Variants in TNNI1 observed in about 807,000 individuals in gnomAD.
TNNI1 encodes the protein troponin I, slow skeletal muscle.
Under a neutral mutation model 26.7 loss-of-function variants are expected in TNNI1, and 14 were observed. That is an observed-to-expected ratio of 0.52 (90% CI 0.35 to 0.82). The LOEUF (loss-of-function observed/expected upper bound fraction) is 0.82. Ranked by LOEUF, TNNI1 falls within the 40% of genes least tolerant of loss-of-function variation. The pLI, the probability that TNNI1 is intolerant of heterozygous loss-of-function variation, is 0.01. For synonymous variants in TNNI1, 79 were observed against 98.2 expected (o/e 0.80, Z 1.16); for missense variants, 164 against 257.0 (o/e 0.64, Z 2.47).
In TNNI1 at chr1:201,413,123, TG is replaced by T; in HGVS notation, c.190-3del. The T allele has an allele frequency of 6.2e-7, 1 of 1,613,906 alleles. No homozygotes were observed. The highest frequency in any genetic ancestry group is 8.5e-7 in the Non-Finnish European group (1 of 1,179,906). The stretch of plus-strand genomic sequence containing the variant: ...GGCGTGCAGCTCCCGGCACAGGTCC[TG>T]GGGGCCGCAGATGGATCATGCAGGT... On this transcript the variant is annotated splice_region_variant and splice_polypyrimidine_tract_variant and intron_variant, in intron 5 of 8. Coordinates refer to ENST00000361379, the MANE Select transcript of TNNI1 (RefSeq NM_003281.4).
chr1:201,412,005 C>T (rs1454740559), intron 6 of TNNI1, among the ~76,000 whole-genome samples: 3 of 152,224 alleles, frequency 2.0e-5, no homozygotes, highest in African/African-American at 7.2e-5. Context: ...GAGATCCCTG[C>T]TCTAGGACAG....
chr1:201,420,847 C>T (rs1210101087), intron 1 of TNNI1, among the ~76,000 whole-genome samples: 3 of 152,160 alleles, frequency 2.0e-5, no homozygotes, highest in Non-Finnish European at 4.4e-5. Context: ...GACTCCCAAA[C>T]CTGGTGGCAG....
intron 1 of TNNI1, among the ~76,000 whole-genome samples, chr1:201,419,070 C>T (rs1241841954): frequency 6.6e-6 from 1 of 152,132 alleles, no homozygotes; most frequent in Non-Finnish European, 1.5e-5. Context: ...ACCTCCATGA[C>T]ACATGTTTAC....
At chr1:201,417,679 A>C in intron 2 of TNNI1, 104 bp downstream of exon 2, 57 of 993,178 alleles carry the variant, frequency 5.7e-5, no homozygotes, top group Non-Finnish European at 7.4e-5. Context: ...TCTCTTAGGG[A>C]AAAGCTTTGG....
Position 201,411,261 on chromosome 1 carries a change from C to CAGGA in TNNI1, c.456+92_456+95dup, listed in dbSNP as rs1281234781. 1 of 1,355,902 alleles carries CAGGA rather than the reference C, an allele frequency of 7.4e-7. No individual in the cohort carries two copies. The highest frequency in any genetic ancestry group is 1.0e-6 in the Non-Finnish European group (1 of 973,554). 84.0% of individuals were successfully genotyped at this position (1,355,902 alleles called of 1,614,324 possible). The stretch of plus-strand genomic sequence containing the variant: ...GTCTGTCAAGCTGACTGGTCTCCAA[C>CAGGA]AGGAGCTCCTGGGCCAGCCTGAGGC... On this transcript the variant is annotated intron_variant, in intron 7 of 8. Coordinates refer to ENST00000361379, the MANE Select transcript of TNNI1 (RefSeq NM_003281.4). The surrounding 1 kb of genome is among the most constrained non-coding windows in gnomAD (Gnocchi z 4.6).
At chr1:201,412,221 C>T (rs1317705920) in intron 6 of TNNI1, among the ~76,000 whole-genome samples, 1 of 152,200 alleles carries the variant, frequency 6.6e-6, no homozygotes, top group African/African-American at 2.4e-5. Context: ...CTCATCCCTG[C>T]TTCTAACTTA....
At position 201,406,074 on chromosome 1, in the gene TNNI1, C is replaced by T. The variant is rs141875068; in HGVS notation, c.*3179G>A. On this transcript the variant is annotated 3_prime_UTR_variant, in exon 9 of 9. Coordinates refer to ENST00000361379, the MANE Select transcript of TNNI1 (RefSeq NM_003281.4). Reference sequence around the variant, plus strand: ...GACTCCCCAGGTGCATATGCAGGACCCTCGACCCCCAGCTGTGTCCTTCCA... The same window carrying T: ...GACTCCCCAGGTGCATATGCAGGACTCTCGACCCCCAGCTGTGTCCTTCCA... 6.6e-6 allele frequency: 1 copy of T among 152,416 alleles called. No homozygotes were observed. The highest frequency in any genetic ancestry group is 1.9e-4 in the East Asian group (1 of 5,180). The allele number at this position is 152,416 out of a possible 1,614,324, so 9.4% of individuals were successfully genotyped here.
chr1:201,413,025 G>C lies in TNNI1; in HGVS notation c.279+7C>G. ...ATGGCCATGCCCCTTCCCTTCCTTA[G>C]ACTCACCTCCCTGGTGTTGTGGAGG... On this transcript the variant is annotated splice_region_variant and intron_variant, in intron 6 of 8. Transcript: ENST00000361379. The C allele has an allele frequency of 6.2e-7, 1 of 1,613,720 alleles. No individual in the cohort carries two copies. The highest frequency in any genetic ancestry group is 8.5e-7 in the Non-Finnish European group (1 of 1,179,694).
At position 201,410,334 on chromosome 1, in the gene TNNI1, T is replaced by G. The variant is rs1662610571; in HGVS notation, c.558A>C (p.Ser186=). ...KMFDAAKSPT[S]Q ...AGCTGGTCTCTAGGTACCTCTATTG[T>G]GAGGTCGGAGACTTGGCGGCATCAA... is the stretch of plus-strand genomic sequence containing the variant. The change falls in exon 8 of 9, where the codon TCA becomes TCC. Residue 186 remains serine (S), a synonymous_variant. Transcript: ENST00000361379. 1 of 1,613,874 alleles carries G rather than the reference T, an allele frequency of 6.2e-7. No homozygotes were observed. Among genetic ancestry groups the G allele is most frequent in the Non-Finnish European group, 8.5e-7 (1 of 1,179,768 alleles).
chr1:201,417,039 C>T lies in TNNI1; in HGVS notation c.15+77G>A, dbSNP rs954027656. 6.1e-5 allele frequency: 97 copies of T among 1,583,276 alleles called. No homozygotes were observed. In the Admixed American group the frequency reaches 1.6e-3, roughly 26 times the overall value. On this transcript the variant is annotated intron_variant, in intron 3 of 8. Transcript: ENST00000361379. ...CTTAACACAGGCTCTTCCCTCTCCTCAGATGCCAACCCCACCTTCCCACTT... is the reference window on the plus strand; with the variant it reads ...CTTAACACAGGCTCTTCCCTCTCCTTAGATGCCAACCCCACCTTCCCACTT...
chr1:201,414,497 C>T (rs573805827), intron 5 of TNNI1, 21 bp downstream of exon 5: 321 of 1,552,552 alleles, frequency 2.1e-4, no homozygotes, highest in South Asian at 5.7e-4. Context: ...CACCCTGCCC[C>T]GCCCCACCTG....
At chr1:201,412,421 C>A (rs1425853630) in intron 6 of TNNI1, among the ~76,000 whole-genome samples, 2 of 152,118 alleles carry the variant, frequency 1.3e-5, no homozygotes, top group African/African-American at 4.8e-5. Flanking sequence ...GTGCTCCCTC[C>A]CTGCCCCCTC....
chr1:201,413,827 T>A (rs1431776083), intron 5 of TNNI1, among the ~76,000 whole-genome samples: 1 of 152,170 alleles, frequency 6.6e-6, no homozygotes, highest in Non-Finnish European at 1.5e-5. Context: ...CTCATTTTTT[T>A]AAACTTTGTA....
At position 201,406,565 on chromosome 1, in the gene TNNI1, G is replaced by C. The variant is rs1272473723; in HGVS notation, c.*2688C>G. The C allele has an allele frequency of 6.6e-6, 1 of 152,268 alleles. No homozygotes were observed. Among genetic ancestry groups the C allele is most frequent in the Non-Finnish European group, 1.5e-5 (1 of 68,048 alleles). The allele number at this position is 152,268 out of a possible 1,614,324, so 9.4% of individuals were successfully genotyped here. A position where few individuals can be genotyped will look rare whatever the true frequency, so the allele number is the denominator to read the frequency against. On this transcript the variant is annotated 3_prime_UTR_variant, in exon 9 of 9. Transcript: ENST00000361379. Reference sequence around the variant, plus strand: ...GTACATGCTGGTGCCTGACGCATAAGTGTGCTACATGTGTGAGCTGTTACT... The same window carrying C: ...GTACATGCTGGTGCCTGACGCATAACTGTGCTACATGTGTGAGCTGTTACT...
intron 4 of TNNI1, 76 bp from the exon 5 acceptor site, chr1:201,414,725 A>T: frequency 6.3e-7 from 1 of 1,576,092 alleles, no homozygotes; most frequent in Admixed American, 1.7e-5. Context: ...GAGGGCAGCC[A>T]CAGCCTGGGC....
Position 201,413,403 on chromosome 1 carries a change from G to A in TNNI1, c.190-282C>T, listed in dbSNP as rs545383669. ...AGATCACACCACTGCACTCCAGCCTGGTGACAGAGCGAGACTCCGTCTCAA... is the reference window on the plus strand; with the variant it reads ...AGATCACACCACTGCACTCCAGCCTAGTGACAGAGCGAGACTCCGTCTCAA... On this transcript the variant is annotated intron_variant, in intron 5 of 8. Transcript: ENST00000361379. 5.4e-3 allele frequency among the ~76,000 whole-genome samples: 809 copies of A among 150,348 alleles called. 4 individuals carry two copies. Among genetic ancestry groups the A allele is most frequent in the Non-Finnish European group, 8.2e-3 (557 of 67,758 alleles).
intron 5 of TNNI1, 65 bp downstream of exon 5, chr1:201,414,453 G>A: frequency 7.1e-7 from 1 of 1,417,354 alleles, no homozygotes; most frequent in Non-Finnish European, 9.4e-7. Flanking sequence ...CTGCCGCCTG[G>A]TCCTTGGAGC....
intron 5 of TNNI1, among the ~76,000 whole-genome samples, chr1:201,413,992 G>A (rs556546359): frequency 5.9e-5 from 9 of 152,220 alleles, no homozygotes; most frequent in African/African-American, 9.6e-5. Context: ...AAAGTAATGC[G>A]TTAATTTTAG....
Position 201,404,410 on chromosome 1 carries a change from AC to A in TNNI1, c.*4842del, listed in dbSNP as rs1298690524. ...GGGAAGAAATGAATGAGGTGATAAG[AC>A]CCACGCCCTAAAGAATCCAGGGCAG... is the stretch of plus-strand genomic sequence containing the variant. On this transcript the variant is annotated 3_prime_UTR_variant, in exon 9 of 9. Coordinates refer to ENST00000361379, the MANE Select transcript of TNNI1 (RefSeq NM_003281.4). 1 of 152,116 alleles carries A rather than the reference AC, an allele frequency of 6.6e-6. No homozygotes were observed. Among genetic ancestry groups the A allele is most frequent in the Non-Finnish European group, 1.5e-5 (1 of 68,016 alleles). The allele number at this position is 152,116 out of a possible 1,614,324, so 9.4% of individuals were successfully genotyped here.
Sources: gnomAD v4.1 joint callset for allele counts (sites outside exome capture counted in the v4.1 genomes callset) on GRCh38, gnomAD v4.1.1 for gene constraint, Gnocchi (gnomAD v3.1) non-coding constraint, MANE v1.5 for transcripts, NCBI Gene and HGNC (gene_info 2026-07-23, HGNC 2026-07-21) for gene names.